Variants in EFCAB10 observed in about 807,000 individuals in gnomAD.
The protein encoded by EFCAB10 is EF-hand calcium binding domain 10.
EFCAB10 carries 7 observed loss-of-function variants against 7.7 expected under a neutral mutation model. The observed-to-expected ratio is 0.91, with a 90% CI of 0.52 to 1.72. The LOEUF (loss-of-function observed/expected upper bound fraction) is 1.72. EFCAB10 is among the 40% of genes most tolerant of loss of function. The pLI is 0.00. For synonymous variants in EFCAB10, 52 were observed against 21.0 expected (o/e 2.47, Z -4.03); for missense variants, 112 against 61.5 (o/e 1.82, Z -2.74).
intron 1 of EFCAB10, among the ~76,000 whole-genome samples, chr7:105,570,211 C>CA (rs1178986135): frequency 8.1e-4 from 14 of 17,354 alleles, no homozygotes; most frequent in East Asian, 6.7e-3. Flanking sequence ...AAGACTCTCT[C>CA]AAAAAAAAAA....
chr7:105,566,138 C>T (rs1051921073), intron 4 of EFCAB10, among the ~76,000 whole-genome samples: 2 of 151,688 alleles, frequency 1.3e-5, no homozygotes, highest in Non-Finnish European at 2.9e-5. Context: ...ATTAGCCAGG[C>T]CTGGTGGCGG....
intron 1 of EFCAB10, chr7:105,573,012 T>A (rs897789064): frequency 1.3e-5 from 2 of 152,062 alleles, no homozygotes; most frequent in African/African-American, 4.8e-5. Flanking sequence ...AAATTTTTTT[T>A]TTTTTTTAAC....
chr7:105,576,592 C>G (rs1265264814), intron 1 of EFCAB10, among the ~76,000 whole-genome samples: 1 of 152,114 alleles, frequency 6.6e-6, no homozygotes, highest in Non-Finnish European at 1.5e-5. Flanking sequence ...ACAGGTGCCT[C>G]CCACCATGCT....
At chr7:105,566,943 C>T (rs985148182) in intron 4 of EFCAB10, 69 of 400,784 alleles carry the variant, frequency 1.7e-4, no homozygotes, top group African/African-American at 1.4e-3. Flanking sequence ...GAAATAGCAA[C>T]TCTGCACCTG....
intron 1 of EFCAB10, among the ~76,000 whole-genome samples, chr7:105,577,690 C>T (rs536736758): frequency 5.3e-5 from 8 of 151,454 alleles, no homozygotes; most frequent in African/African-American, 1.9e-4. Context: ...GACCCATTGG[C>T]TGCCATGGTG....
intron 1 of EFCAB10, among the ~76,000 whole-genome samples, chr7:105,578,848 C>G (rs1435396066): frequency 6.6e-6 from 1 of 152,222 alleles, no homozygotes; most frequent in Non-Finnish European, 1.5e-5. Flanking sequence ...TCTCAGCTCA[C>G]TGTAACCTCT....
At chr7:105,571,246 A>C (rs994344202) in intron 1 of EFCAB10, 1 of 152,106 alleles carries the variant, frequency 6.6e-6, no homozygotes, top group Non-Finnish European at 1.5e-5. Context: ...AATAGCCCAA[A>C]CCATCTCAGT....
intron 1 of EFCAB10, among the ~76,000 whole-genome samples, chr7:105,579,315 A>G (rs1792165424): frequency 6.6e-6 from 1 of 152,162 alleles, no homozygotes; most frequent in South Asian, 2.1e-4. Flanking sequence ...CTGTGTAGCT[A>G]TCAGTCCAGA....
chr7:105,567,099 C>T, intron 4 of EFCAB10: 1 of 1,453,978 alleles, frequency 6.9e-7, no homozygotes, highest in Middle Eastern at 1.8e-4. Flanking sequence ...TCATTTCCCT[C>T]CTTTGTTTTC....
chr7:105,571,781 C>T (rs923233215), intron 1 of EFCAB10: 4 of 152,300 alleles, frequency 2.6e-5, no homozygotes, highest in Non-Finnish European at 5.9e-5. Context: ...CATTAGCATC[C>T]ACCTTACAGT....
At position 105,565,364 on chromosome 7, in the gene EFCAB10, T is replaced by A; in HGVS notation, c.*83A>T. Reference sequence around the variant, plus strand: ...CGTTGCTGCTGACGTTACGAGACCATTTACTTCAGTTGGAGCAGCAGCTTT... The same window carrying A: ...CGTTGCTGCTGACGTTACGAGACCAATTACTTCAGTTGGAGCAGCAGCTTT... On this transcript the variant is annotated 3_prime_UTR_variant, in exon 5 of 5. Transcript: ENST00000480514. 2 of 1,614,210 alleles carry A rather than the reference T, an allele frequency of 1.2e-6. No homozygotes were observed. The highest frequency in any genetic ancestry group is 1.7e-6 in the Non-Finnish European group (2 of 1,180,024).
Position 105,565,564 on chromosome 7 carries a change from C to G in EFCAB10, c.*-117G>C. On this transcript the variant is annotated intron_variant, in intron 4 of 4. Transcript: ENST00000480514. ...GCTAATCACTTCAATGAAGGAGGAG[C>G]AGCCCAGCTGCAGTTTGATATGACT... is the stretch of plus-strand genomic sequence containing the variant. 1 of 1,613,902 alleles carries G rather than the reference C, an allele frequency of 6.2e-7. No individual in the cohort carries two copies. Among genetic ancestry groups the G allele is most frequent in the Non-Finnish European group, 8.5e-7 (1 of 1,179,800 alleles).
chr7:105,567,420 T>A, intron 4 of EFCAB10, 47 bp downstream of exon 4: 1 of 777,724 alleles, frequency 1.3e-6, no homozygotes, highest in Non-Finnish European at 2.2e-6. Flanking sequence ...GAAAACTTTA[T>A]AGAATTACTT....
At chr7:105,577,044 C>T (rs1792098415) in intron 1 of EFCAB10, among the ~76,000 whole-genome samples, 1 of 141,560 alleles carries the variant, frequency 7.1e-6, no homozygotes, top group Non-Finnish European at 1.5e-5. Context: ...CAGGGCAAAA[C>T]TCCGTCTTAA....
intron 1 of EFCAB10, chr7:105,571,543 T>TG (rs1791948599): frequency 6.6e-6 from 1 of 152,240 alleles, no homozygotes; most frequent in South Asian, 2.1e-4. Flanking sequence ...GCAAAGGTCA[T>TG]GGCAACACTT....
chr7:105,567,626 G>C (rs1438600730), intron 3 of EFCAB10, 136 bp from the exon 4 acceptor site: 5 of 551,824 alleles, frequency 9.1e-6, no homozygotes, highest in Non-Finnish European at 1.6e-5. Context: ...CTAATTAAGG[G>C]AAATTCTGTT....
chr7:105,566,930 A>C (rs1305780519), intron 4 of EFCAB10: 1 of 384,076 alleles, frequency 2.6e-6, no homozygotes, highest in Non-Finnish European at 4.6e-6. Flanking sequence ...ATAGTAATCT[A>C]AAGAAATAGC....
chr7:105,566,028 G>C (rs959134325), intron 4 of EFCAB10, among the ~76,000 whole-genome samples: 1 of 152,102 alleles, frequency 6.6e-6, no homozygotes, highest in Admixed American at 6.6e-5. Flanking sequence ...CCAACACTTC[G>C]GGAGGCTGAG....
intron 1 of EFCAB10, among the ~76,000 whole-genome samples, chr7:105,575,639 C>T (rs1257154587): frequency 2.0e-5 from 3 of 152,162 alleles, no homozygotes; most frequent in East Asian, 1.9e-4. Flanking sequence ...TGGGGGACTG[C>T]GTACCTGTTT....
Sources: allele counts gnomAD v4.1 joint callset (sites outside exome capture counted in the v4.1 genomes callset), GRCh38; gene constraint gnomAD v4.1.1; transcripts MANE v1.5; gene names NCBI Gene and HGNC (gene_info 2026-07-23, HGNC 2026-07-21).